MTUS1: variants seen among roughly 807,000 people sequenced by gnomAD.
MTUS1 encodes microtubule-associated tumor suppressor 1.
A neutral mutation model predicts 120.8 loss-of-function variants in MTUS1; 109 were observed. The ratio of observed to expected loss-of-function variants is 0.90; its 90% CI spans 0.77 to 1.06. The LOEUF (loss-of-function observed/expected upper bound fraction) is 1.06. Among genes scored for constraint, MTUS1 ranks in the 50% least tolerant of loss-of-function variants. The pLI, the probability that MTUS1 is intolerant of heterozygous loss-of-function variation, is 0.00. For synonymous variants in MTUS1, 737 were observed against 550.5 expected (o/e 1.34, Z -4.74); for missense variants, 2,210 against 1,486.3 (o/e 1.49, Z -8.01).
intron 8 of MTUS1, among the ~76,000 whole-genome samples, chr8:17,659,025 C>T (rs1809083687): frequency 6.6e-6 from 1 of 152,092 alleles, no homozygotes; most frequent in East Asian, 1.9e-4. Context: ...GAATGGGGCT[C>T]TTTATCTTGT....
chr8:17,657,485 G>A (rs975037710), intron 8 of MTUS1, among the ~76,000 whole-genome samples: 22 of 149,612 alleles, frequency 1.5e-4, no homozygotes, highest in Admixed American at 1.3e-3. Flanking sequence ...GGAGAATGGC[G>A]TGAACCCGGG....
chr8:17,791,940 G>A (rs1399862892), intron 1 of MTUS1, among the ~76,000 whole-genome samples: 1 of 152,158 alleles, frequency 6.6e-6, no homozygotes, highest in African/African-American at 2.4e-5. Flanking sequence ...CAGGAGACAA[G>A]GTACTACCCC....
chr8:17,786,331 A>G (rs2051299986), intron 1 of MTUS1, among the ~76,000 whole-genome samples: 1 of 152,114 alleles, frequency 6.6e-6, no homozygotes, highest in Admixed American at 6.5e-5. Context: ...GGCAGCAGAC[A>G]GTCCTCACCC....
At position 17,715,856 on chromosome 8, in the gene MTUS1, G is replaced by A. The variant is rs551031640; in HGVS notation, c.2495C>T (p.Pro832Leu). The A allele has an allele frequency of 3.3e-5, 53 of 1,613,924 alleles. No homozygotes were observed. The South Asian group carries it at 5.5e-4, about 17-fold the overall frequency. The change falls in exon 5 of 15, where the codon CCA becomes CTA. Residue 832 changes from proline (P) to leucine (L), a missense_variant. Pro to Leu is a moderately conservative substitution (Grantham distance 98). Transcript: ENST00000693296. ...VIKYEEKPPK[P>L]AFQNGSSGSF... is the part of the protein sequence containing the mutation. ...TCCTGAGGAACCATTCTGAAATGCT[G>A]GTTTTGGAGGTTTCTCCTCATATTT... is the stretch of plus-strand genomic sequence containing the variant.
chr8:17,765,605 C>T (rs2049417579), intron 1 of MTUS1, among the ~76,000 whole-genome samples: 1 of 110,384 alleles, frequency 9.1e-6, no homozygotes. Flanking sequence ...GGAAACAGAG[C>T]AAGACTCTGT....
chr8:17,657,961 A>G (rs868799455), intron 8 of MTUS1, among the ~76,000 whole-genome samples: 3 of 151,556 alleles, frequency 2.0e-5, no homozygotes, highest in Non-Finnish European at 4.4e-5. Context: ...ATGTATGCAT[A>G]TATACATGCA....
chr8:17,697,383 C>T (rs754452027), intron 6 of MTUS1: 44 of 1,613,528 alleles, frequency 2.7e-5, no homozygotes, highest in East Asian at 2.5e-4. Flanking sequence ...AACATGTCTT[C>T]GGAGCAGGTG....
chr8:17,741,772 G>C (rs1268042148), intron 3 of MTUS1, among the ~76,000 whole-genome samples: 1 of 152,178 alleles, frequency 6.6e-6, no homozygotes, highest in Non-Finnish European at 1.5e-5. Context: ...AATCATACCA[G>C]TAACAGCAGT....
intron 6 of MTUS1, among the ~76,000 whole-genome samples, chr8:17,702,642 T>C (rs1469186699): frequency 6.6e-6 from 1 of 152,232 alleles, no homozygotes; most frequent in Admixed American, 6.5e-5. Context: ...GCCCCATGAC[T>C]GGTTTATTTC....
chr8:17,678,423 T>C (rs1813556665), intron 7 of MTUS1, among the ~76,000 whole-genome samples: 1 of 116,934 alleles, frequency 8.6e-6, no homozygotes, highest in South Asian at 2.8e-4. Flanking sequence ...GCATTAAATA[T>C]ATGAAATGCT....
At position 17,656,132 on chromosome 8, in the gene MTUS1, A is replaced by C. The variant is rs1308112977; in HGVS notation, c.2906-67T>G. 4.3e-6 allele frequency: 6 copies of C among 1,406,640 alleles called. No individual in the cohort carries two copies. In the East Asian group the frequency reaches 1.4e-4, roughly 32 times the overall value. 87.1% of individuals were successfully genotyped at this position (1,406,640 alleles called of 1,614,324 possible). A position where few individuals can be genotyped will look rare whatever the true frequency, so the allele number is the denominator to read the frequency against. On this transcript the variant is annotated intron_variant, in intron 8 of 14. Coordinates refer to ENST00000693296, the MANE Select transcript of MTUS1 (RefSeq NM_001363059.2). ...TTGTGAAATGTCCTATATTCATTAC[A>C]GTCACACACAGCTGTGATGACACCT...
intron 3 of MTUS1, among the ~76,000 whole-genome samples, chr8:17,743,375 A>G (rs2047484663): frequency 6.6e-6 from 1 of 152,164 alleles, no homozygotes; most frequent in Admixed American, 6.5e-5. Context: ...ATCCTTCTGA[A>G]TAGCTTATAA....
intron 2 of MTUS1, among the ~76,000 whole-genome samples, chr8:17,745,134 G>A (rs998902119): frequency 6.6e-6 from 1 of 152,138 alleles, no homozygotes; most frequent in African/African-American, 2.4e-5. Flanking sequence ...TTTTAATCCA[G>A]ATCATACCTT....
intron 8 of MTUS1, among the ~76,000 whole-genome samples, chr8:17,663,575 C>T (rs1313464730): frequency 6.7e-6 from 1 of 148,798 alleles, no homozygotes; most frequent in Non-Finnish European, 1.5e-5. Flanking sequence ...CTTAAACTTT[C>T]TAAGCCTACT....
chr8:17,705,199 G>A (rs911475574), intron 6 of MTUS1, among the ~76,000 whole-genome samples: 1 of 152,108 alleles, frequency 6.6e-6, no homozygotes, highest in Non-Finnish European at 1.5e-5. Context: ...GCCCAAGCTG[G>A]TCTTGAACTC....
Position 17,645,599 on chromosome 8 carries a change from C to A in MTUS1, c.*327G>T. On this transcript the variant is annotated 3_prime_UTR_variant, in exon 15 of 15. Coordinates refer to ENST00000693296, the MANE Select transcript of MTUS1 (RefSeq NM_001363059.2). Reference sequence around the variant, plus strand: ...CAAAGGTTATAAATCTTAATAGGGCCCTGAGAGTTTTTCCCCCTATGCTTA... The same window carrying A: ...CAAAGGTTATAAATCTTAATAGGGCACTGAGAGTTTTTCCCCCTATGCTTA... 1.9e-5 allele frequency: 4 copies of A among 214,830 alleles called. No homozygotes were observed. Among genetic ancestry groups the A allele is most frequent in the South Asian group, 2.2e-4 (2 of 9,276 alleles). The allele number at this position is 214,830 out of a possible 1,614,324, so 13.3% of individuals were successfully genotyped here. A position where few individuals can be genotyped will look rare whatever the true frequency, so the allele number is the denominator to read the frequency against.
intron 1 of MTUS1, among the ~76,000 whole-genome samples, chr8:17,761,402 G>A (rs1300814289): frequency 6.6e-6 from 1 of 152,094 alleles, no homozygotes; most frequent in East Asian, 1.9e-4. Flanking sequence ...AATGCTAGAA[G>A]AAATTTTAAA....
intron 8 of MTUS1, among the ~76,000 whole-genome samples, chr8:17,657,348 C>T (rs1279510208): frequency 6.6e-6 from 1 of 151,572 alleles, no homozygotes; most frequent in East Asian, 2.0e-4. Flanking sequence ...GCGGGCGGAT[C>T]ACGAGGTCAG....
At chr8:17,741,225 T>A (rs1483844138) in intron 3 of MTUS1, among the ~76,000 whole-genome samples, 1 of 152,050 alleles carries the variant, frequency 6.6e-6, no homozygotes, top group African/African-American at 2.4e-5. Context: ...TGGATTAGGA[T>A]CCCACTCTTA....
Sources: allele counts gnomAD v4.1 joint callset (sites outside exome capture counted in the v4.1 genomes callset), GRCh38; gene constraint gnomAD v4.1.1; transcripts MANE v1.5; gene names NCBI Gene and HGNC (gene_info 2026-07-23, HGNC 2026-07-21).